Variants in COPZ1 observed in about 807,000 individuals in gnomAD.
The protein encoded by COPZ1 is coatomer subunit zeta-1.
A neutral mutation model predicts 31.7 loss-of-function variants in COPZ1; 4 were observed. The observed-to-expected ratio is 0.13, with a 90% CI of 0.06 to 0.29. The LOEUF (loss-of-function observed/expected upper bound fraction) is 0.29. COPZ1 is among the 10% of genes least tolerant of loss of function. COPZ1 has a pLI of 1.00. For synonymous variants in COPZ1, 74 were observed against 79.0 expected, an observed-to-expected ratio of 0.94 and a Z score of 0.33; for missense variants, 156 against 211.5, an observed-to-expected ratio of 0.74 and a Z score of 1.63.
intron 8 of COPZ1, 175 bp downstream of exon 8, chr12:54,349,833 C>T (rs1954118302): frequency 2.9e-6 from 2 of 692,422 alleles, no homozygotes; most frequent in East Asian, 5.0e-5. Flanking sequence ...CCTACCCCTA[C>T]TTCCAACTCC....
At chr12:54,336,970 G>A (rs56818309) in intron 1 of COPZ1, among the ~76,000 whole-genome samples, 2 of 147,402 alleles carry the variant, frequency 1.4e-5, no homozygotes, top group Admixed American at 6.8e-5. Context: ...TGTAGTGAGC[G>A]GAGTTTGCTC....
intron 1 of COPZ1, among the ~76,000 whole-genome samples, chr12:54,330,311 G>A (rs1026786622): frequency 6.6e-5 from 10 of 152,272 alleles, no homozygotes; most frequent in Non-Finnish European, 1.2e-4. Context: ...AATAAACTGT[G>A]CTGTTACTCT....
At chr12:54,337,560 T>C (rs940125169) in intron 1 of COPZ1, among the ~76,000 whole-genome samples, 1 of 152,210 alleles carries the variant, frequency 6.6e-6, no homozygotes, top group South Asian at 2.1e-4. Context: ...CTGGCTAGTT[T>C]TATGGCATAG....
chr12:54,348,384 T>G (rs1028707780), intron 7 of COPZ1, among the ~76,000 whole-genome samples: 3 of 152,266 alleles, frequency 2.0e-5, no homozygotes, highest in Non-Finnish European at 4.4e-5. Context: ...AGTTGGCTTA[T>G]TCCCTTCTTG....
intron 1 of COPZ1, among the ~76,000 whole-genome samples, chr12:54,334,120 G>A (rs566421622): frequency 2.0e-5 from 3 of 151,832 alleles, no homozygotes; most frequent in Non-Finnish European, 4.4e-5. Context: ...TAGGCTGGGC[G>A]TGGTGGCTCA....
Position 54,343,261 on chromosome 12 carries a change from A to C in COPZ1, c.206A>C (p.Tyr69Ser), listed in dbSNP as rs1196067507. The change falls in exon 4 of 9, where the codon TAC (tyrosine) becomes TCC (serine). Residue 69 changes from tyrosine to serine, a missense_variant. Transcript: ENST00000262061. ...IALLEGLTVV[Y>S]KSSIDLYFYV... ...CTCTTGGAAGGCCTGACAGTGGTAT[A>C]CAAAAGCAGTATAGATCTCTATTTC... 1 of 1,613,986 alleles carries C rather than the reference A, an allele frequency of 6.2e-7. No individual in the cohort carries two copies. The highest frequency in any genetic ancestry group is 1.3e-5 in the African/African-American group (1 of 74,892).
intron 7 of COPZ1, 99 bp from the exon 8 acceptor site, chr12:54,349,521 C>T: frequency 1.0e-6 from 1 of 953,680 alleles, no homozygotes; most frequent in Non-Finnish European, 1.7e-6. Flanking sequence ...CCCTTTGTTT[C>T]AGTTTAAAGG....
chr12:54,350,502 C>G lies in COPZ1; in HGVS notation c.513C>G (p.Ile171Met). Residue 171 changes from isoleucine to methionine, a missense_variant, in exon 9 of 9, where the codon ATC (isoleucine) becomes ATG (methionine). Ile to Met is a conservative substitution (Grantham distance 10). Coordinates refer to ENST00000262061, the MANE Select transcript of COPZ1 (RefSeq NM_016057.3). ...SQVLQSAKEQ[I>M]KWSLLR Reference sequence around the variant, plus strand: ...TGCTGCAGTCAGCCAAAGAACAGATCAAGTGGTCACTCCTTCGGTGAAGAC... The same window carrying G: ...TGCTGCAGTCAGCCAAAGAACAGATGAAGTGGTCACTCCTTCGGTGAAGAC... 3 of 1,614,070 alleles carry G rather than the reference C, an allele frequency of 1.9e-6. No homozygotes were observed. Among genetic ancestry groups the G allele is most frequent in the Non-Finnish European group, 2.5e-6 (3 of 1,179,920 alleles).
chr12:54,329,798 G>T (rs913512067), intron 1 of COPZ1, among the ~76,000 whole-genome samples: 1 of 152,114 alleles, frequency 6.6e-6, no homozygotes, highest in Non-Finnish European at 1.5e-5. Context: ...CATCCAAAGT[G>T]CACAAGGATA....
At chr12:54,331,730 G>C (rs575053070) in intron 1 of COPZ1, among the ~76,000 whole-genome samples, 52 of 152,082 alleles carry the variant, frequency 3.4e-4, no homozygotes, top group Non-Finnish European at 6.2e-4. Context: ...GGAGATGTGG[G>C]GGGGAGTAAA....
chr12:54,326,540 A>T (rs1953647928), intron 1 of COPZ1, among the ~76,000 whole-genome samples: 1 of 148,828 alleles, frequency 6.7e-6, no homozygotes, highest in South Asian at 2.1e-4. Context: ...TGTCCATATG[A>T]TGCTTTATGC....
chr12:54,329,444 G>C (rs748850168), intron 1 of COPZ1, among the ~76,000 whole-genome samples: 66 of 152,210 alleles, frequency 4.3e-4, no homozygotes, highest in African/African-American at 1.4e-3. Flanking sequence ...TTAGCTGGGC[G>C]TGGTGGCATG....
rs1031613048 is a variant in COPZ1, at chr12:54,351,645, C to G, written c.*1122C>G. 4 of 152,216 alleles carry G rather than the reference C, an allele frequency of 2.6e-5. No homozygotes were observed. Among genetic ancestry groups the G allele is most frequent in the African/African-American group, 9.7e-5 (4 of 41,430 alleles). 9.4% of individuals were successfully genotyped at this position (152,216 alleles called of 1,614,324 possible). On this transcript the variant is annotated 3_prime_UTR_variant, in exon 9 of 9. Coordinates refer to ENST00000262061, the MANE Select transcript of COPZ1 (RefSeq NM_016057.3). ...CTTTCCCCTTGACCCAGAACTTCCT[C>G]CCCACAAAAATGCCTTTAAAAACCT... is the stretch of plus-strand genomic sequence containing the variant.
intron 1 of COPZ1, among the ~76,000 whole-genome samples, chr12:54,332,008 G>A (rs186962716): frequency 2.9e-3 from 434 of 152,188 alleles, no homozygotes; most frequent in African/African-American, 9.9e-3. Context: ...AAGAATTAGG[G>A]ACTATGTGAC....
intron 1 of COPZ1, among the ~76,000 whole-genome samples, chr12:54,336,091 A>G (rs1226046767): frequency 6.6e-6 from 1 of 152,098 alleles, no homozygotes; most frequent in Non-Finnish European, 1.5e-5. Flanking sequence ...TATAGTTTCC[A>G]AGTATCCTCT....
At chr12:54,349,486 G>A (rs1036069582) in intron 7 of COPZ1, 134 bp from the exon 8 acceptor site, 1 of 776,228 alleles carries the variant, frequency 1.3e-6, no homozygotes, top group Non-Finnish European at 2.4e-6. Flanking sequence ...GTCCCTAGAA[G>A]GGACTGAGAA....
At chr12:54,345,408 C>G (rs371881007) in intron 4 of COPZ1, 52 bp from the exon 5 acceptor site, 2 of 1,402,820 alleles carry the variant, frequency 1.4e-6, no homozygotes, top group South Asian at 1.2e-5. Flanking sequence ...TTTTAGGTAG[C>G]AGCTTTCAGG....
At chr12:54,340,693 ATTAAC>A (rs931287867) in intron 2 of COPZ1, 78 bp downstream of exon 2, 10 of 1,401,058 alleles carry the variant, frequency 7.1e-6, no homozygotes, top group African/African-American at 2.9e-5. Flanking sequence ...CTGATACCTT[ATTAAC>A]TTATGTTCCT....
rs1751681189 is a variant in COPZ1, at chr12:54,348,260, G to A, written c.447+209G>A. On this transcript the variant is annotated intron_variant, in intron 7 of 8. Coordinates refer to ENST00000262061, the MANE Select transcript of COPZ1 (RefSeq NM_016057.3). The stretch of plus-strand genomic sequence containing the variant: ...ATAACTTATTTCTACCCCTAATATG[G>A]TGCCTAACATCTCATACAGTCTTTG... 3 of 571,410 alleles carry A rather than the reference G, an allele frequency of 5.3e-6. No individual in the cohort carries two copies. The South Asian group carries it at 7.1e-5, about 13-fold the overall frequency. The allele number at this position is 571,410 out of a possible 1,614,324, so 35.4% of individuals were successfully genotyped here.
Sources: gnomAD v4.1 joint callset for allele counts (sites outside exome capture counted in the v4.1 genomes callset) on GRCh38, gnomAD v4.1.1 for gene constraint, MANE v1.5 for transcripts, NCBI Gene and HGNC (gene_info 2026-07-23, HGNC 2026-07-21) for gene names.